The following NEURL1 variants were observed in gnomAD, a reference collection of about 807,000 sequenced individuals.
The protein encoded by NEURL1 is neuralized E3 ubiquitin protein ligase 1, also known as E3 ubiquitin-protein ligase NEURL1.
Under a neutral mutation model 41.2 loss-of-function variants are expected in NEURL1, and 26 were observed. That is an observed-to-expected ratio of 0.63 (90% CI 0.46 to 0.87). The LOEUF (loss-of-function observed/expected upper bound fraction) is 0.87. Ranked by LOEUF, NEURL1 falls within the 40% of genes least tolerant of loss-of-function variation. NEURL1 has a pLI of 0.00. For synonymous variants in NEURL1, 400 were observed against 402.3 expected (o/e 0.99, Z 0.07); for missense variants, 761 against 871.1 (o/e 0.87, Z 1.59).
intron 1 of NEURL1, among the ~76,000 whole-genome samples, chr10:103,549,590 G>A (rs1019790264): frequency 6.6e-6 from 1 of 152,212 alleles, no homozygotes. Flanking sequence ...CTGGCAGGAT[G>A]GCCATAAGCC....
chr10:103,514,303 G>C (rs1257234715), intron 1 of NEURL1, among the ~76,000 whole-genome samples: 1 of 152,026 alleles, frequency 6.6e-6, no homozygotes, highest in Non-Finnish European at 1.5e-5. Context: ...TGTTGGTCAG[G>C]ATGGTCTCGA....
chr10:103,531,977 C>T (rs1447349239), intron 1 of NEURL1, among the ~76,000 whole-genome samples: 1 of 152,178 alleles, frequency 6.6e-6, no homozygotes, highest in East Asian at 1.9e-4. Context: ...GACTTAAAGC[C>T]TGCTTTATCT....
In NEURL1 at chr10:103,495,950, A is replaced by G. The variant is rs1177460974; in HGVS notation, c.85+1478A>G. On this transcript the variant is annotated intron_variant, in intron 1 of 5. Transcript: ENST00000369780. ...TGGCGAAACACTGTCTCTACTAAAA[A>G]TACAAAAATTAGCCGGGCATAGTGG... Among the ~76,000 whole-genome samples the G allele has an allele frequency of 2.0e-5, 3 of 152,294 alleles. No individual in the cohort carries two copies. The East Asian group carries it at 5.8e-4, about 29-fold the overall frequency.
intron 1 of NEURL1, among the ~76,000 whole-genome samples, chr10:103,497,220 T>C (rs1472916977): frequency 6.6e-6 from 1 of 152,244 alleles, no homozygotes; most frequent in Non-Finnish European, 1.5e-5. Flanking sequence ...TGTATCAGCA[T>C]TGACCTACGA....
chr10:103,520,389 T>C (rs1188204745), intron 1 of NEURL1, among the ~76,000 whole-genome samples: 2 of 152,116 alleles, frequency 1.3e-5, no homozygotes, highest in Non-Finnish European at 2.9e-5. Flanking sequence ...GGGGTTTTTC[T>C]CTTGCAGGCA....
At chr10:103,541,098 G>A (rs2034811805) in intron 1 of NEURL1, among the ~76,000 whole-genome samples, 1 of 152,212 alleles carries the variant, frequency 6.6e-6, no homozygotes, top group Non-Finnish European at 1.5e-5. Flanking sequence ...ACTGTTGGAG[G>A]GTCTTGAGTT....
At chr10:103,501,713 AC>A (rs2033829197) in intron 1 of NEURL1, among the ~76,000 whole-genome samples, 1 of 151,420 alleles carries the variant, frequency 6.6e-6, no homozygotes, top group Non-Finnish European at 1.5e-5. Context: ...GCTCACTGCA[AC>A]CTCTGCCTCC....
At chr10:103,554,639 G>A (rs2133869256) in intron 1 of NEURL1, among the ~76,000 whole-genome samples, 1 of 152,156 alleles carries the variant, frequency 6.6e-6, no homozygotes, top group East Asian at 1.9e-4. Flanking sequence ...TCTTAGAGAT[G>A]GTACCTGTTG....
chr10:103,498,473 G>T (rs915916232), intron 1 of NEURL1, among the ~76,000 whole-genome samples: 2 of 152,158 alleles, frequency 1.3e-5, no homozygotes, highest in South Asian at 4.1e-4. Flanking sequence ...TGATCCGCCC[G>T]CCTCGGCCTC....
chr10:103,551,406 G>A (rs891604806), intron 1 of NEURL1, among the ~76,000 whole-genome samples: 4 of 147,684 alleles, frequency 2.7e-5, no homozygotes, highest in African/African-American at 7.7e-5. Flanking sequence ...GGGTTCACAC[G>A]ATTCTCCTGC....
chr10:103,556,750 G>T lies in NEURL1; in HGVS notation c.86-14122G>T, dbSNP rs556943507. ...AATCCGGAGCCAGGCCAGGGGCACT[G>T]CCAGTGGCCTGGGCCTTGGCCGGAG... On this transcript the variant is annotated intron_variant, in intron 1 of 5. Coordinates refer to ENST00000369780, the MANE Select transcript of NEURL1 (RefSeq NM_004210.5). This position sits in a 1 kb window ranked among gnomAD's most constrained non-coding sequence, Gnocchi z 4.4. Among the ~76,000 whole-genome samples the T allele has an allele frequency of 6.6e-5, 10 of 152,364 alleles. No individual in the cohort carries two copies. In the South Asian group the frequency reaches 2.1e-3, roughly 32 times the overall value.
chr10:103,555,488 C>A, intron 1 of NEURL1: 1 of 1,252,804 alleles, frequency 8.0e-7, no homozygotes, highest in Non-Finnish European at 1.1e-6. Flanking sequence ...CGGAGGGGCG[C>A]TGGGGCTGAG....
chr10:103,578,526 C>T (rs2035715049), intron 3 of NEURL1, among the ~76,000 whole-genome samples: 1 of 152,214 alleles, frequency 6.6e-6, no homozygotes, highest in Non-Finnish European at 1.5e-5. Flanking sequence ...CTAGGTCCAC[C>T]TCCTAGACTT....
intron 4 of NEURL1, 76 bp from the exon 5 acceptor site, chr10:103,589,438 C>T: frequency 1.3e-6 from 2 of 1,491,034 alleles, no homozygotes; most frequent in South Asian, 2.8e-5. Flanking sequence ...TGGGAACCCA[C>T]TGTGAGGGAC....
intron 1 of NEURL1, among the ~76,000 whole-genome samples, chr10:103,533,054 G>C (rs1386576325): frequency 3.3e-5 from 5 of 150,004 alleles, no homozygotes; most frequent in Non-Finnish European, 7.4e-5. Context: ...AGCCTCCCGA[G>C]TAGCTGGGAC....
intron 1 of NEURL1, among the ~76,000 whole-genome samples, chr10:103,554,167 G>T (rs2035093964): frequency 6.6e-6 from 1 of 152,210 alleles, no homozygotes; most frequent in Non-Finnish European, 1.5e-5. Context: ...GGGCTGGAGG[G>T]GCCTGCCATC....
chr10:103,516,100 C>G lies in NEURL1; in HGVS notation c.85+21628C>G, dbSNP rs540601888. Among the ~76,000 whole-genome samples, 4 of 151,044 alleles carry G rather than the reference C, an allele frequency of 2.6e-5. No homozygotes were observed. The East Asian group carries it at 7.8e-4, about 30-fold the overall frequency. ...AAAATTAGCCGAGTGTGGTGGTGTG[C>G]GCCTGTAGTCCCAGCTACTTGGGAG... On this transcript the variant is annotated intron_variant, in intron 1 of 5. Transcript: ENST00000369780.
At chr10:103,573,985 T>C (rs987417439) in intron 3 of NEURL1, among the ~76,000 whole-genome samples, 2 of 152,110 alleles carry the variant, frequency 1.3e-5, no homozygotes, top group African/African-American at 4.8e-5. Flanking sequence ...CCCTGCAAGA[T>C]GGGGAAGAAT....
chr10:103,555,924 G>A (rs1324831047), intron 1 of NEURL1, among the ~76,000 whole-genome samples: 1 of 151,850 alleles, frequency 6.6e-6, no homozygotes, highest in East Asian at 1.9e-4. Context: ...GCACCCACAT[G>A]TGTGCTGAGT....
Sources: gnomAD v4.1 joint callset for allele counts (sites outside exome capture counted in the v4.1 genomes callset) on GRCh38, gnomAD v4.1.1 for gene constraint, Gnocchi (gnomAD v3.1) non-coding constraint, MANE v1.5 for transcripts, NCBI Gene and HGNC (gene_info 2026-07-23, HGNC 2026-07-21) for gene names.